PRPF3: variants seen among roughly 807,000 people sequenced by gnomAD.
PRPF3 encodes the protein U4/U6 small nuclear ribonucleoprotein Prp3.
Under a neutral mutation model 89.2 loss-of-function variants are expected in PRPF3, and 3 were observed. The observed-to-expected ratio is 0.03, with a 90% confidence interval of 0.02 to 0.09. The LOEUF (loss-of-function observed/expected upper bound fraction) is 0.09. Among genes scored for constraint, PRPF3 ranks in the 10% least tolerant of loss-of-function variants. The pLI is 1.00. For missense variants in PRPF3, 463 were observed against 828.8 expected, an observed-to-expected ratio of 0.56 and a Z score of 5.42; for synonymous variants, 270 against 289.1, an observed-to-expected ratio of 0.93 and a Z score of 0.67.
At chr1:150,346,884 C>T (rs1454166823) in intron 14 of PRPF3, among the ~76,000 whole-genome samples, 1 of 151,982 alleles carries the variant, frequency 6.6e-6, no homozygotes, top group East Asian at 1.9e-4. Context: ...GCCAGGAGTT[C>T]GAGACCAGCC....
At chr1:150,331,043 A>G (rs949064510) in intron 4 of PRPF3, among the ~76,000 whole-genome samples, 1 of 141,444 alleles carries the variant, frequency 7.1e-6, no homozygotes, top group East Asian at 2.2e-4. Flanking sequence ...ATTTTATTTT[A>G]TTTTTTGAGA....
In PRPF3 at chr1:150,335,227, C is replaced by A; in HGVS notation, c.1021C>A (p.Arg341=). 1.2e-6 allele frequency: 2 copies of A among 1,613,772 alleles called. No individual in the cohort carries two copies. The highest frequency in any genetic ancestry group is 1.7e-6 in the Non-Finnish European group (2 of 1,179,840). Residue 341 remains arginine (R), a synonymous_variant, in exon 7 of 16, where the codon CGA becomes AGA. Transcript: ENST00000324862. ...GGGCAAATTTGAGAAGATTGCTCAG[C>A]GATTACGGACAAAGGTATCTGGCTT... ...DKGKFEKIAQ[R]LRTKAQLEKL...
At chr1:150,325,967 T>C (rs1655668387) in intron 3 of PRPF3, 86 bp downstream of exon 3, 2 of 1,524,180 alleles carry the variant, frequency 1.3e-6, no homozygotes, top group South Asian at 1.1e-5. Flanking sequence ...CACGTTGATA[T>C]CCTCTATTTA....
chr1:150,349,929 C>G lies in PRPF3; in HGVS notation c.1905+711C>G, dbSNP rs1172613287. Reference sequence around the variant, plus strand: ...GGTATGGAGTTTCGCTCTTGTTGCTCTTGTTGCCCAGGCTGGAGTGCGATG... The same window carrying G: ...GGTATGGAGTTTCGCTCTTGTTGCTGTTGTTGCCCAGGCTGGAGTGCGATG... On this transcript the variant is annotated intron_variant, in intron 15 of 15. Coordinates refer to ENST00000324862, the MANE Select transcript of PRPF3 (RefSeq NM_004698.4). 5.3e-5 allele frequency among the ~76,000 whole-genome samples: 8 copies of G among 151,616 alleles called. 1 individual carries two copies. The highest frequency in any genetic ancestry group is 1.9e-4 in the African/African-American group (8 of 41,304).
In PRPF3 at chr1:150,340,495, G is replaced by A; in HGVS notation, c.1282+18G>A. On this transcript the variant is annotated intron_variant, in intron 9 of 15. Transcript: ENST00000324862. ...TCCTCCAGGTAATGTATAGATTCCT[G>A]AATCAAGTCTCTAGAGCAGCATTAC... The A allele has an allele frequency of 6.4e-7, 1 of 1,555,960 alleles. No individual in the cohort carries two copies. Among genetic ancestry groups the A allele is most frequent in the Non-Finnish European group, 8.9e-7 (1 of 1,127,138 alleles).
chr1:150,341,150 A>C (rs1175110618), intron 9 of PRPF3, among the ~76,000 whole-genome samples: 1 of 148,102 alleles, frequency 6.8e-6, no homozygotes, highest in South Asian at 2.1e-4. Context: ...AAAGAAAAAA[A>C]CCCAAAATTT....
At chr1:150,332,886 A>T (rs1360691771) in intron 5 of PRPF3, 93 bp from the exon 6 acceptor site, 1 of 1,489,016 alleles carries the variant, frequency 6.7e-7, no homozygotes, top group African/African-American at 1.4e-5. Flanking sequence ...CATCTGCTAC[A>T]GTCTACCATG....
rs2101978530 is a variant in PRPF3 at position 150,335,095 on chromosome 1, C to T, written c.889C>T (p.Leu297=). 1 of 1,614,080 alleles carries T rather than the reference C, an allele frequency of 6.2e-7. No homozygotes were observed. The highest frequency in any genetic ancestry group is 8.5e-7 in the Non-Finnish European group (1 of 1,180,012). The change falls in exon 7 of 16, where the codon CTA becomes TTA. Residue 297 remains leucine, a synonymous_variant. Coordinates refer to ENST00000324862, the MANE Select transcript of PRPF3 (RefSeq NM_004698.4). ...AVKREQFKQQ[L]KEKPSEDMES... is the part of the protein sequence containing the mutation. ...GAAGAGGGAACAATTCAAGCAACAA[C>T]TAAAGGAAAAGCCATCAGAAGACAT...
intron 3 of PRPF3, among the ~76,000 whole-genome samples, chr1:150,327,291 C>T (rs1553864065): frequency 6.6e-6 from 1 of 152,060 alleles, no homozygotes; most frequent in African/African-American, 2.4e-5. Flanking sequence ...TGGTCTCGAA[C>T]TCCTGACCTC....
chr1:150,332,877 A>T, intron 5 of PRPF3, 102 bp from the exon 6 acceptor site: 1 of 1,489,046 alleles, frequency 6.7e-7, no homozygotes, highest in Non-Finnish European at 9.3e-7. Context: ...CTTCATAATC[A>T]TCTGCTACAG....
At chr1:150,322,783 A>G (rs1400578463) in intron 1 of PRPF3, among the ~76,000 whole-genome samples, 1 of 152,190 alleles carries the variant, frequency 6.6e-6, no homozygotes, top group Non-Finnish European at 1.5e-5. Context: ...ACATCTTGAA[A>G]GATGATTCCC....
At chr1:150,345,899 T>C (rs1484988363) in intron 12 of PRPF3, 119 bp from the exon 13 acceptor site, 1 of 792,864 alleles carries the variant, frequency 1.3e-6, no homozygotes, top group African/African-American at 1.7e-5. Flanking sequence ...ATTTGTTTAC[T>C]CCAGAGGCCT....
chr1:150,342,510 A>G (rs2102006959), intron 9 of PRPF3, among the ~76,000 whole-genome samples: 1 of 151,938 alleles, frequency 6.6e-6, no homozygotes, highest in East Asian at 1.9e-4. Flanking sequence ...GTTTATACAC[A>G]CACACACACA....
At chr1:150,349,635 G>A (rs1658685363) in intron 15 of PRPF3, among the ~76,000 whole-genome samples, 1 of 152,072 alleles carries the variant, frequency 6.6e-6, no homozygotes, top group South Asian at 2.1e-4. Context: ...TGCAATCTGG[G>A]CAAGACACTT....
At chr1:150,340,363 G>T (rs375004974) in intron 8 of PRPF3, 35 bp from the exon 9 acceptor site, 53 of 1,410,790 alleles carry the variant, frequency 3.8e-5, no homozygotes, top group Admixed American at 6.7e-5. Context: ...ATCTCTACCC[G>T]CATATCGTGT....
chr1:150,332,119 G>A (rs1182910444), intron 4 of PRPF3, among the ~76,000 whole-genome samples: 8 of 151,828 alleles, frequency 5.3e-5, no homozygotes, highest in African/African-American at 1.9e-4. Flanking sequence ...AGCTACTCGG[G>A]ATGCTGAGGC....
chr1:150,337,061 C>T (rs187353481), intron 7 of PRPF3, among the ~76,000 whole-genome samples: 1,824 of 33,342 alleles, frequency 0.055, 53 homozygotes, highest in African/African-American at 0.15. Flanking sequence ...TTTTTTGAGA[C>T]GGAGTCTCGC....
chr1:150,337,275 A>T (rs587655374), intron 7 of PRPF3, among the ~76,000 whole-genome samples: 1 of 150,926 alleles, frequency 6.6e-6, no homozygotes, highest in Non-Finnish European at 1.5e-5. Flanking sequence ...TCCTGACCTC[A>T]TGATCCTCCC....
rs1553873583 is a variant in PRPF3 at position 150,348,459 on chromosome 1, C to CTTTTTTTTTTTTTTTTT, written c.1844-698_1844-697insTTTTTTTTTTTTTTTTT. On this transcript the variant is annotated intron_variant, in intron 14 of 15. Transcript: ENST00000324862. ...TAAAAAATATTTTGTTCTACACGTG[C>CTTTTTTTTTTTTTTTTT]ATTTTTTTTTTTTTTTTTTTGAGAT... 3.3e-3 allele frequency among the ~76,000 whole-genome samples: 116 copies of CTTTTTTTTTTTTTTTTT among 34,790 alleles called. 7 individuals are homozygous for CTTTTTTTTTTTTTTTTT. The highest frequency in any genetic ancestry group is 0.01 in the African/African-American group (109 of 10,578). 22.8% of individuals were successfully genotyped at this position (34,790 alleles called of 152,430 possible).
Sources: gnomAD v4.1 joint callset for allele counts (sites outside exome capture counted in the v4.1 genomes callset) on GRCh38, gnomAD v4.1.1 for gene constraint, MANE v1.5 for transcripts, NCBI Gene and HGNC (gene_info 2026-07-23, HGNC 2026-07-21) for gene names.